NLRP8: variants seen among roughly 807,000 people sequenced by gnomAD.
NLRP8 encodes NACHT, LRR and PYD domains-containing protein 8.
NLRP8 carries 86 observed loss-of-function variants against 88.7 expected under a neutral mutation model. The ratio of observed to expected loss-of-function variants is 0.97; its 90% confidence interval spans 0.81 to 1.16. NLRP8 has a LOEUF of 1.16. NLRP8 is among the 50% of genes most tolerant of loss of function. The pLI is 0.00. For synonymous variants in NLRP8, 504 were observed against 494.6 expected, an observed-to-expected ratio of 1.02 and a Z score of -0.25; for missense variants, 1,342 against 1,286.5, an observed-to-expected ratio of 1.04 and a Z score of -0.66.
In NLRP8 at chr19:55,988,438, G is replaced by GTATATATATATATATATA. The variant is rs777000805; in HGVS notation, c.*526_*527insATATATATATATATATAT. ...CATATACACATAAATATATATATGTGTGTGTGTATATATATATATATATAT... is the reference window on the plus strand; with the variant it reads ...CATATACACATAAATATATATATGTGTATATATATATATATATATGTGTGTATATATATATATATATAT... On this transcript the variant is annotated 3_prime_UTR_variant, in exon 10 of 10. Coordinates refer to ENST00000291971, the MANE Select transcript of NLRP8 (RefSeq NM_176811.2). 1.4e-3 allele frequency: 129 copies of GTATATATATATATATATA among 91,736 alleles called. No homozygotes were observed. The highest frequency in any genetic ancestry group is 1.9e-3 in the Non-Finnish European group (86 of 45,576). The allele number at this position is 91,736 out of a possible 1,614,324, so 5.7% of individuals were successfully genotyped here.
chr19:55,986,331 CTCTG>C (rs1980808583), intron 9 of NLRP8, among the ~76,000 whole-genome samples: 2 of 107,750 alleles, frequency 1.9e-5, no homozygotes, highest in African/African-American at 8.1e-5. Flanking sequence ...CACACACACT[CTCTG>C]TCTCACACAC....
At chr19:55,984,285 T>C (rs1016650594) in intron 9 of NLRP8, among the ~76,000 whole-genome samples, 1 of 152,150 alleles carries the variant, frequency 6.6e-6, no homozygotes, top group Admixed American at 6.5e-5. Flanking sequence ...AATGTATTAC[T>C]ATGTACTATT....
chr19:55,986,373 C>G (rs926514014), intron 9 of NLRP8, among the ~76,000 whole-genome samples: 7 of 151,496 alleles, frequency 4.6e-5, no homozygotes, highest in Non-Finnish European at 7.4e-5. Flanking sequence ...CACACAGTCT[C>G]ACACACATTC....
intron 9 of NLRP8, among the ~76,000 whole-genome samples, chr19:55,986,596 A>C (rs1300010950): frequency 6.6e-6 from 1 of 152,176 alleles, no homozygotes; most frequent in Admixed American, 6.5e-5. Flanking sequence ...GCCTCTTGCC[A>C]GCAGCAGCAC....
At chr19:55,981,228 A>AT (rs5828662) in intron 9 of NLRP8, among the ~76,000 whole-genome samples, 70 bp downstream of exon 10, 59,647 of 148,580 alleles carry the variant, frequency 0.4, 12,344 homozygotes, top group East Asian at 0.67. Context: ...CCCTCTGGGT[A>AT]TTTTTTTTTT....
intron 8 of NLRP8, among the ~76,000 whole-genome samples, chr19:55,976,825 A>C (rs1980361149): frequency 1.8e-5 from 1 of 55,518 alleles, no homozygotes; most frequent in Admixed American, 1.8e-4. Flanking sequence ...CACGCCTATA[A>C]TCCCAGCACT....
intron 7 of NLRP8, among the ~76,000 whole-genome samples, chr19:55,975,170 G>A (rs945873977): frequency 2.0e-5 from 3 of 152,154 alleles, no homozygotes; most frequent in African/African-American, 7.2e-5. Flanking sequence ...TGTCTCACAT[G>A]AGAATATGAG....
chr19:55,951,348 C>T lies in NLRP8; in HGVS notation c.368-1190C>T, dbSNP rs555421804. ...TGATCAGTCCATGAAAATGTTGTAA[C>T]CAGAGACTAGCAGGAAACAAACGTT... On this transcript the variant is annotated intron_variant, in intron 1 of 9. Coordinates refer to ENST00000291971, the MANE Select transcript of NLRP8 (RefSeq NM_176811.2). Among the ~76,000 whole-genome samples the T allele has an allele frequency of 8.5e-5, 13 of 152,204 alleles. No individual in the cohort carries two copies. In the East Asian group the frequency reaches 2.3e-3, roughly 27 times the overall value.
intron 6 of NLRP8, among the ~76,000 whole-genome samples, chr19:55,971,875 A>G (rs1042019848): frequency 6.6e-6 from 1 of 152,142 alleles, no homozygotes; most frequent in African/African-American, 2.4e-5. Flanking sequence ...TGGGCAGGAA[A>G]TGGTACCTTA....
intron 3 of NLRP8, among the ~76,000 whole-genome samples, chr19:55,957,587 G>A (rs1348872813): frequency 2.0e-5 from 3 of 150,960 alleles, no homozygotes; most frequent in African/African-American, 7.3e-5. Flanking sequence ...TCGGGAGGCT[G>A]AGGCAGGAGA....
intron 6 of NLRP8, among the ~76,000 whole-genome samples, chr19:55,971,457 AAAG>A (rs1286309106): frequency 1.1e-4 from 16 of 151,754 alleles, no homozygotes; most frequent in Admixed American, 2.0e-4. Context: ...AAAAAAAAAA[AAAG>A]GATTTTACAT....
At chr19:55,974,520 G>T (rs147542774) in intron 7 of NLRP8, among the ~76,000 whole-genome samples, 1 of 151,916 alleles carries the variant, frequency 6.6e-6, no homozygotes, top group Non-Finnish European at 1.5e-5. Flanking sequence ...AGTCCGAGGC[G>T]GGAGGATCAC....
In NLRP8 at chr19:55,954,522, C is replaced by G. The variant is rs201546502; in HGVS notation, c.464C>G (p.Ser155Trp). 1 of 1,613,646 alleles carries G rather than the reference C, an allele frequency of 6.2e-7. No individual in the cohort carries two copies. ...CTAGGTAAAATACGGCGGTATAAAT[C>G]GAATGTGATGGAAAAGTTTTTCCCC... The change falls in exon 3 of 10, where the codon TCG (serine) becomes TGG (tryptophan). Residue 155 changes from serine (S) to tryptophan (W), a missense_variant. By Grantham distance (177) the Ser-to-Trp change is radical. Transcript: ENST00000291971.
intron 7 of NLRP8, among the ~76,000 whole-genome samples, chr19:55,974,806 G>A (rs1353111445): frequency 6.6e-6 from 1 of 151,638 alleles, no homozygotes; most frequent in African/African-American, 2.4e-5. Flanking sequence ...GTGAAGTTTG[G>A]CAGTTACCCG....
Position 55,976,242 on chromosome 19 carries a change from G to A in NLRP8, c.2815G>A (p.Asp939Asn), listed in dbSNP as rs1194415270. The A allele has an allele frequency of 8.7e-6, 14 of 1,613,830 alleles. No individual in the cohort carries two copies. Among genetic ancestry groups the A allele is most frequent in the Non-Finnish European group, 1.2e-5 (14 of 1,179,964 alleles). The change falls in exon 8 of 10, where the codon GAT becomes AAT. Residue 939 changes from aspartate to asparagine, a missense_variant. Asp to Asn is a conservative substitution (Grantham distance 23). Transcript: ENST00000291971. The stretch of plus-strand genomic sequence containing the variant: ...CCTAAGTTTTAATAGCCTGAAGGAT[G>A]ATGGGGTGATCCTGCTGTGTGAGGC...
intron 9 of NLRP8, chr19:55,987,738 C>A: frequency 1.8e-6 from 2 of 1,096,882 alleles, no homozygotes; most frequent in Non-Finnish European, 2.8e-6. Context: ...AGCATAGAGA[C>A]AAAATGCAAG....
In NLRP8 at chr19:55,955,829, A is replaced by G; in HGVS notation, c.1771A>G (p.Ile591Val). Residue 591 changes from isoleucine to valine, a missense_variant, in exon 3 of 10, where the codon ATA (isoleucine) becomes GTA (valine). Coordinates refer to ENST00000291971, the MANE Select transcript of NLRP8 (RefSeq NM_176811.2). Reference sequence around the variant, plus strand: ...TAATAAGAGGAAACTGCTGAAAGTCATACCTCTGTTGCATAAATGTGACCC... The same window carrying G: ...TAATAAGAGGAAACTGCTGAAAGTCGTACCTCTGTTGCATAAATGTGACCC... 6.2e-7 allele frequency: 1 copy of G among 1,614,192 alleles called. No individual in the cohort carries two copies.
In NLRP8 at chr19:55,987,875, A is replaced by G. The variant is rs1980925267; in HGVS notation, c.3109A>G (p.Thr1037Ala). The G allele has an allele frequency of 6.2e-7, 1 of 1,613,966 alleles. No homozygotes were observed. The highest frequency in any genetic ancestry group is 8.5e-7 in the Non-Finnish European group (1 of 1,180,000). Residue 1037 changes from threonine to alanine, a missense_variant, in exon 10 of 10, where the codon ACG (threonine) becomes GCG (alanine). Transcript: ENST00000291971. ...CCCAACTCCTCACCCACCCGACTTC[A>G]CGGGAAAAAGTGACTGCCTATCCCA...
Position 55,955,606 on chromosome 19 carries a change from C to T in NLRP8, c.1548C>T (p.Ala516=), listed in dbSNP as rs1979312609. 6.2e-7 allele frequency: 1 copy of T among 1,614,092 alleles called. No homozygotes were observed. The highest frequency in any genetic ancestry group is 1.1e-5 in the South Asian group (1 of 91,078). The change falls in exon 3 of 10, where the codon GCC becomes GCT. Residue 516 remains alanine (A), a synonymous_variant. Transcript: ENST00000291971. ...TGACTTTTCAGGAATTTTTTGCGGC[C>T]TTGTTTTATGTTCTCTGTTTCCCAC... is the stretch of plus-strand genomic sequence containing the variant.
Sources: allele counts gnomAD v4.1 joint callset (sites outside exome capture counted in the v4.1 genomes callset), GRCh38; gene constraint gnomAD v4.1.1; transcripts MANE v1.5; gene names NCBI Gene and HGNC (gene_info 2026-07-23, HGNC 2026-07-21).